The following BTBD8 variants were observed in gnomAD, a reference collection of about 807,000 sequenced individuals.
The protein encoded by BTBD8 is BTB domain containing 8, also known as BTB/POZ domain-containing protein 8.
Under a neutral mutation model 162.9 loss-of-function variants are expected in BTBD8, and 110 were observed. The ratio of observed to expected loss-of-function variants is 0.68; its 90% CI spans 0.58 to 0.79. The LOEUF (loss-of-function observed/expected upper bound fraction) is 0.79. Among genes scored for constraint, BTBD8 ranks in the 30% least tolerant of loss-of-function variants. The pLI is 0.00. For synonymous variants in BTBD8, 667 were observed against 716.1 expected, an observed-to-expected ratio of 0.93 and a Z score of 1.10; for missense variants, 1,905 against 2,085.4, an observed-to-expected ratio of 0.91 and a Z score of 1.68.
chr1:92,096,229 A>G (rs552146310), intron 2 of BTBD8, among the ~76,000 whole-genome samples: 6 of 152,266 alleles, frequency 3.9e-5, no homozygotes, highest in African/African-American at 1.4e-4. Context: ...TCAGCTTCCC[A>G]AAGTGCTGGG....
chr1:92,110,165 A>G (rs1302656235), intron 4 of BTBD8, among the ~76,000 whole-genome samples: 2 of 152,332 alleles, frequency 1.3e-5, no homozygotes, highest in East Asian at 3.9e-4. Flanking sequence ...AACACTTTCT[A>G]TGCTGAAAGA....
At chr1:92,088,639 AT>A in intron 1 of BTBD8, 58 bp from the exon 2 acceptor site, 1 of 1,320,278 alleles carries the variant, frequency 7.6e-7, no homozygotes, top group Non-Finnish European at 1.0e-6. Flanking sequence ...CTTTATAAAA[AT>A]ATGTATACGT....
chr1:92,098,776 T>C (rs922701956), intron 2 of BTBD8, among the ~76,000 whole-genome samples: 4 of 152,218 alleles, frequency 2.6e-5, no homozygotes, highest in African/African-American at 9.6e-5. Flanking sequence ...AATTGGGTTC[T>C]CTTTAAACTA....
intron 7 of BTBD8, among the ~76,000 whole-genome samples, chr1:92,145,697 G>A (rs1649893915): frequency 6.6e-6 from 1 of 152,026 alleles, no homozygotes; most frequent in South Asian, 2.1e-4. Context: ...AATACCTTAC[G>A]TAGGCCGGGT....
At chr1:92,088,155 A>ACAGC (rs1298458103) in intron 1 of BTBD8, among the ~76,000 whole-genome samples, 10 of 152,126 alleles carry the variant, frequency 6.6e-5, no homozygotes, top group East Asian at 5.8e-4. Context: ...CACATTTTTG[A>ACAGC]CAGCCACACC....
chr1:92,162,517 A>G (rs951310619), intron 9 of BTBD8, among the ~76,000 whole-genome samples: 1 of 152,192 alleles, frequency 6.6e-6, no homozygotes, highest in Non-Finnish European at 1.5e-5. Context: ...GTGTTTTTCG[A>G]ACTTTAATGT....
At chr1:92,124,903 A>T (rs1285204217) in intron 4 of BTBD8, among the ~76,000 whole-genome samples, 1 of 152,096 alleles carries the variant, frequency 6.6e-6, no homozygotes, top group Non-Finnish European at 1.5e-5. Flanking sequence ...TTAGAATTGT[A>T]AGCTCTTTTT....
rs542253308 is a variant in BTBD8, at chr1:92,174,976, A to G, written c.1636-1853A>G. Among the ~76,000 whole-genome samples the G allele has an allele frequency of 1.1e-3, 160 of 152,324 alleles. 1 individual carries two copies. Among genetic ancestry groups the G allele is most frequent in the African/African-American group, 2.7e-3 (114 of 41,574 alleles). ...AATTGGAAGCTTTTCATATTTAAAA[A>G]TAGACCTTAAACTGCATATCAAAAT... On this transcript the variant is annotated intron_variant, in intron 13 of 17. Coordinates refer to ENST00000636805, the MANE Select transcript of BTBD8 (RefSeq NM_001376131.1).
chr1:92,126,239 T>C (rs1649355501), intron 4 of BTBD8: 3 of 574,964 alleles, frequency 5.2e-6, no homozygotes, highest in Non-Finnish European at 1.0e-5. Context: ...TGCTGCAACG[T>C]TGATAAGAAA....
chr1:92,125,405 A>G (rs1015109055), intron 4 of BTBD8: 2 of 253,840 alleles, frequency 7.9e-6, no homozygotes, highest in South Asian at 4.9e-5. Context: ...CAAAGATTCT[A>G]TTGTGCAGTT....
intron 9 of BTBD8, among the ~76,000 whole-genome samples, chr1:92,159,913 G>A (rs1650243978): frequency 6.6e-6 from 1 of 152,070 alleles, no homozygotes; most frequent in Admixed American, 6.6e-5. Flanking sequence ...TGGGCTTCCT[G>A]GATGTGGATG....
chr1:92,102,729 G>A (rs1470237288), intron 3 of BTBD8, 60 bp downstream of exon 3: 43 of 1,310,938 alleles, frequency 3.3e-5, no homozygotes, highest in Non-Finnish European at 4.1e-5. Flanking sequence ...TTCTGATACA[G>A]TTAGAGAAAA....
chr1:92,167,895 A>G lies in BTBD8; in HGVS notation c.1353A>G (p.Lys451=), dbSNP rs1650425545. ...STADLLDTIL[K]AIEENITTEN... ...CCGATCTGTTGGACACAATTTTAAAAGCAATTGAAGAAAATATCACCACTG... is the reference window on the plus strand; with the variant it reads ...CCGATCTGTTGGACACAATTTTAAAGGCAATTGAAGAAAATATCACCACTG... Residue 451 remains lysine, a synonymous_variant, in exon 11 of 18, where the codon AAA becomes AAG. Coordinates refer to ENST00000636805, the MANE Select transcript of BTBD8 (RefSeq NM_001376131.1). The G allele has an allele frequency of 8.4e-6, 13 of 1,551,016 alleles. No homozygotes were observed. The highest frequency in any genetic ancestry group is 1.0e-5 in the Non-Finnish European group (12 of 1,146,542).
chr1:92,173,332 T>G (rs1570757355), intron 13 of BTBD8, among the ~76,000 whole-genome samples: 1 of 152,322 alleles, frequency 6.6e-6, no homozygotes, highest in Admixed American at 6.5e-5. Context: ...CCCAATGTTA[T>G]AGCTATGGAA....
At chr1:92,123,361 A>G (rs1649267086) in intron 4 of BTBD8, among the ~76,000 whole-genome samples, 1 of 152,200 alleles carries the variant, frequency 6.6e-6, no homozygotes, top group Admixed American at 6.5e-5. Flanking sequence ...ACATTTTAGA[A>G]TCAACTTATC....
intron 4 of BTBD8, chr1:92,115,215 A>G (rs984706221): frequency 5.9e-6 from 3 of 504,788 alleles, no homozygotes; most frequent in Admixed American, 2.4e-5. Flanking sequence ...CCCCATAGCC[A>G]TCACACCACA....
In BTBD8 at chr1:92,177,100, C is replaced by G; in HGVS notation, c.1907C>G (p.Thr636Ser). ...GGKNVSGKPK[T>S]VTKSKTENGD... ...AAAAATGTTTCTGGAAAGCCCAAAA[C>G]TGTAACAAAATCCAAAACAGAAAAT... Residue 636 changes from threonine to serine, a missense_variant, in exon 14 of 18, where the codon ACT becomes AGT. Transcript: ENST00000636805. 3 of 1,551,574 alleles carry G rather than the reference C, an allele frequency of 1.9e-6. No homozygotes were observed. The highest frequency in any genetic ancestry group is 1.2e-5 in the South Asian group (1 of 84,044).
At chr1:92,120,162 G>A (rs905328962) in intron 4 of BTBD8, among the ~76,000 whole-genome samples, 1 of 152,032 alleles carries the variant, frequency 6.6e-6, no homozygotes, top group Admixed American at 6.6e-5. Context: ...AAAGTGCTAG[G>A]ATTACAGGTG....
chr1:92,168,360 C>A (rs1411568863), intron 11 of BTBD8, among the ~76,000 whole-genome samples: 1 of 151,198 alleles, frequency 6.6e-6, no homozygotes, highest in Non-Finnish European at 1.5e-5. Context: ...AGTTTTTAAT[C>A]ATCAGTGTCT....
Sources: gnomAD v4.1 joint callset for allele counts (sites outside exome capture counted in the v4.1 genomes callset) on GRCh38, gnomAD v4.1.1 for gene constraint, MANE v1.5 for transcripts, NCBI Gene and HGNC (gene_info 2026-07-23, HGNC 2026-07-21) for gene names.